The following TCF12 variants were observed in gnomAD, a reference collection of about 807,000 sequenced individuals.
TCF12 encodes the protein transcription factor 12.
In TCF12, 45 loss-of-function variants were observed where a neutral mutation model predicts 86.0. That is an observed-to-expected ratio of 0.52 (90% CI 0.41 to 0.67). The LOEUF (loss-of-function observed/expected upper bound fraction) is 0.67. Ranked by LOEUF, TCF12 falls within the 30% of genes least tolerant of loss-of-function variation. TCF12 has a pLI of 0.00. For synonymous variants in TCF12, 330 were observed against 299.6 expected (o/e 1.10, Z -1.05); for missense variants, 881 against 859.9 (o/e 1.02, Z -0.31).
intron 8 of TCF12, among the ~76,000 whole-genome samples, chr15:57,200,792 C>T (rs563556447): frequency 1.3e-5 from 2 of 152,314 alleles, no homozygotes; most frequent in South Asian, 4.1e-4. Flanking sequence ...TTCCTCTCTG[C>T]AGAACCACTG....
At chr15:57,155,478 C>T (rs2054050776) in intron 5 of TCF12, among the ~76,000 whole-genome samples, 1 of 152,066 alleles carries the variant, frequency 6.6e-6, no homozygotes, top group Admixed American at 6.6e-5. Flanking sequence ...CATATTTTGT[C>T]CTCATGTAGC....
intron 3 of TCF12, among the ~76,000 whole-genome samples, chr15:56,984,544 C>T (rs12441200): frequency 0.041 from 6,261 of 151,996 alleles, 374 homozygotes; most frequent in Admixed American, 0.17. Flanking sequence ...TTCTGTGTAC[C>T]GTACAAAATA....
At chr15:57,181,101 A>C (rs1567579538) in intron 6 of TCF12, among the ~76,000 whole-genome samples, 1 of 152,000 alleles carries the variant, frequency 6.6e-6, no homozygotes, top group Non-Finnish European at 1.5e-5. Flanking sequence ...GGCGTGAGCC[A>C]CCACGCCTGG....
chr15:56,972,969 G>A (rs2062413394), intron 3 of TCF12, among the ~76,000 whole-genome samples: 2 of 152,118 alleles, frequency 1.3e-5, no homozygotes, highest in Admixed American at 6.5e-5. Context: ...TTTTCCTGGA[G>A]AGCTATGGGC....
chr15:57,185,831 A>G (rs1268656671), intron 6 of TCF12, among the ~76,000 whole-genome samples: 2 of 152,194 alleles, frequency 1.3e-5, no homozygotes, highest in African/African-American at 4.8e-5. Flanking sequence ...GCAGTGAGCC[A>G]TGTTTGTGCC....
intron 3 of TCF12, among the ~76,000 whole-genome samples, chr15:56,979,395 TTTAGTCTATACC>T (rs1486370073): frequency 2.0e-5 from 3 of 152,228 alleles, no homozygotes; most frequent in African/African-American, 7.2e-5. Context: ...TTTTATTTAA[TTTAGTCTATACC>T]TTGAGTCATT....
At chr15:57,165,692 A>G (rs149648390) in intron 5 of TCF12, among the ~76,000 whole-genome samples, 58 of 152,090 alleles carry the variant, frequency 3.8e-4, no homozygotes, top group African/African-American at 1.4e-3. Flanking sequence ...GCATACCACC[A>G]TGCCTGGCTA....
intron 3 of TCF12, among the ~76,000 whole-genome samples, chr15:57,057,996 CCCTT>C (rs2068164335): frequency 6.6e-6 from 1 of 152,052 alleles, no homozygotes; most frequent in African/African-American, 2.4e-5. Context: ...GTTGGGAGGG[CCCTT>C]CCTTCTTTCT....
At chr15:57,159,314 C>T (rs1180436740) in intron 5 of TCF12, among the ~76,000 whole-genome samples, 1 of 152,190 alleles carries the variant, frequency 6.6e-6, no homozygotes, top group Non-Finnish European at 1.5e-5. Flanking sequence ...TATGGCATTG[C>T]AGGTTTGCCC....
chr15:57,094,260 A>G (rs558833340), intron 5 of TCF12, among the ~76,000 whole-genome samples: 1 of 152,320 alleles, frequency 6.6e-6, no homozygotes, highest in African/African-American at 2.4e-5. Flanking sequence ...AAAGAAGGAG[A>G]CAGAACCCTG....
At chr15:57,004,419 A>AT (rs1306645033) in intron 3 of TCF12, among the ~76,000 whole-genome samples, 2 of 149,840 alleles carry the variant, frequency 1.3e-5, no homozygotes, top group African/African-American at 2.5e-5. Context: ...TTTATTTTTT[A>AT]TTTTTTTGAG....
At chr15:56,990,151 C>CTTTTTTTTTTTTT (rs372235874) in intron 3 of TCF12, among the ~76,000 whole-genome samples, 1 of 92,722 alleles carries the variant, frequency 1.1e-5, no homozygotes, top group African/African-American at 3.8e-5. Context: ...ATAGTCTTGT[C>CTTTTTTTTTTTTT]TTTTTTTTTT....
chr15:57,054,597 C>T (rs1312532764), intron 3 of TCF12, among the ~76,000 whole-genome samples: 1 of 152,104 alleles, frequency 6.6e-6, no homozygotes, highest in Non-Finnish European at 1.5e-5. Flanking sequence ...GATTGCTTCC[C>T]TGTCTTCTTT....
chr15:57,060,198 T>C (rs1331471057), intron 3 of TCF12, among the ~76,000 whole-genome samples: 2 of 143,626 alleles, frequency 1.4e-5, no homozygotes, highest in Non-Finnish European at 3.0e-5. Context: ...GTTACTTTTC[T>C]TGTTAAATGT....
intron 7 of TCF12, among the ~76,000 whole-genome samples, chr15:57,195,274 C>G (rs915315164): frequency 6.6e-6 from 1 of 152,176 alleles, no homozygotes; most frequent in Admixed American, 6.5e-5. Flanking sequence ...GATTTTAAAT[C>G]AGACATTTTG....
intron 5 of TCF12, among the ~76,000 whole-genome samples, chr15:57,129,571 A>G (rs1161246875): frequency 1.3e-5 from 2 of 152,092 alleles, no homozygotes; most frequent in East Asian, 3.9e-4. Flanking sequence ...ATTGAGCATA[A>G]TTTCATGGGT....
chr15:57,287,223 G>T lies in TCF12; in HGVS notation c.*1078G>T. On this transcript the variant is annotated 3_prime_UTR_variant, in exon 21 of 21. Transcript: ENST00000333725. ...GACGATTTTTTCAGGCTGTGATTAT[G>T]GTGAACATAACAAAACCCAGTAGTC... The T allele has an allele frequency of 6.5e-6, 1 of 153,722 alleles. No individual in the cohort carries two copies. The highest frequency in any genetic ancestry group is 1.5e-5 in the Non-Finnish European group (1 of 68,722). 9.5% of individuals were successfully genotyped at this position (153,722 alleles called of 1,614,324 possible).
chr15:57,044,286 G>T (rs1188902440), intron 3 of TCF12, among the ~76,000 whole-genome samples: 2 of 152,060 alleles, frequency 1.3e-5, no homozygotes, highest in South Asian at 2.1e-4. Flanking sequence ...TACCAGCCGG[G>T]CACAGTGGGT....
At chr15:57,285,542 T>C (rs2061896798) in intron 20 of TCF12, among the ~76,000 whole-genome samples, 1 of 152,186 alleles carries the variant, frequency 6.6e-6, no homozygotes, top group South Asian at 2.1e-4. Context: ...CCTCAGGTGC[T>C]CTCAGTTTAG....
Sources: allele counts gnomAD v4.1 joint callset (sites outside exome capture counted in the v4.1 genomes callset), GRCh38; gene constraint gnomAD v4.1.1; transcripts MANE v1.5; gene names NCBI Gene and HGNC (gene_info 2026-07-23, HGNC 2026-07-21).